The following PEX1 variants were observed in gnomAD, a reference collection of about 807,000 sequenced individuals.
PEX1 encodes the protein peroxisomal biogenesis factor 1.
Under a neutral mutation model 152.5 loss-of-function variants are expected in PEX1, and 97 were observed. The observed-to-expected ratio is 0.64, with a 90% CI of 0.54 to 0.75. The LOEUF (loss-of-function observed/expected upper bound fraction) is 0.75. PEX1 is among the 30% of genes least tolerant of loss of function. The pLI, the probability that PEX1 is intolerant of heterozygous loss-of-function variation, is 0.00. For synonymous variants in PEX1, 485 were observed against 531.6 expected (o/e 0.91, Z 1.21); for missense variants, 1,357 against 1,516.3 (o/e 0.89, Z 1.74).
At position 92,503,093 on chromosome 7, in the gene PEX1, G is replaced by A. The variant is rs1268325040; in HGVS notation, c.2174C>T (p.Ala725Val). 1 of 1,613,612 alleles carries A rather than the reference G, an allele frequency of 6.2e-7. No homozygotes were observed. Among genetic ancestry groups the A allele is most frequent in the African/African-American group, 1.3e-5 (1 of 74,910 alleles). Residue 725 changes from alanine to valine, a missense_variant, in exon 13 of 24, where the codon GCT becomes GTT. By Grantham distance (64) the Ala-to-Val change is moderately conservative. Transcript: ENST00000248633. ...QQSLHPLLVS[A>V]QGVHIFQCVQ... is the part of the protein sequence containing the mutation. The stretch of plus-strand genomic sequence containing the variant: ...GCACTGAAATATGTGAACTCCTTGA[G>A]CAGAAACAAGTAAAGGATGTAGAGA...
intron 1 of PEX1, among the ~76,000 whole-genome samples, chr7:92,527,768 C>G (rs1477446361): frequency 1.3e-5 from 2 of 152,238 alleles, no homozygotes; most frequent in Non-Finnish European, 2.9e-5. Flanking sequence ...TTCAAGTGAT[C>G]TTAACTACGT....
chr7:92,511,793 T>C lies in PEX1; in HGVS notation c.1360-90A>G, dbSNP rs1562861486. ...TTAACATCTGATCTTCCTAATAAAG[T>C]GTAAGCCTGACCAAACAAATCCAAT... is the stretch of plus-strand genomic sequence containing the variant. On this transcript the variant is annotated intron_variant, in intron 6 of 23. Transcript: ENST00000248633. 6 of 1,246,558 alleles carry C rather than the reference T, an allele frequency of 4.8e-6. No homozygotes were observed. In the East Asian group the frequency reaches 1.2e-4, roughly 25 times the overall value. The allele number at this position is 1,246,558 out of a possible 1,614,324, so 77.2% of individuals were successfully genotyped here.
chr7:92,514,585 C>T (rs1792634466), intron 5 of PEX1, among the ~76,000 whole-genome samples: 1 of 152,132 alleles, frequency 6.6e-6, no homozygotes, highest in Non-Finnish European at 1.5e-5. Context: ...CAAAACTAAT[C>T]ACAGACAATC....
At position 92,491,285 on chromosome 7, in the gene PEX1, GTTCCAT is replaced by G. The variant is rs758076338; in HGVS notation, c.3419_3424del (p.Asn1140_Gly1141del). 113 of 1,603,582 alleles carry G rather than the reference GTTCCAT, an allele frequency of 7.0e-5. No individual in the cohort carries two copies. The Middle Eastern group carries it at 1.3e-3, about 19-fold the overall frequency. ...TGCACAAGATACCAAATCAGAAGAG[GTTCCAT>G]TTCCAAGTTCTGATTCATAAGAGCT... On this transcript the variant is annotated inframe_deletion, in exon 21 of 24. Transcript: ENST00000248633.
At chr7:92,487,690 A>G (rs749923904) in intron 23 of PEX1, 149 bp from the exon 24 acceptor site, 131 of 469,194 alleles carry the variant, frequency 2.8e-4, no homozygotes, top group Non-Finnish European at 3.9e-4. Context: ...GAAATTAAAA[A>G]GAATTCTTAC....
intron 6 of PEX1, among the ~76,000 whole-genome samples, chr7:92,512,731 C>T (rs1792536081): frequency 6.6e-6 from 1 of 152,160 alleles, no homozygotes; most frequent in South Asian, 2.1e-4. Flanking sequence ...CTCAAGTGAT[C>T]CACCCATCTC....
At chr7:92,504,008 G>T (rs1437316380) in intron 12 of PEX1, among the ~76,000 whole-genome samples, 6 of 151,898 alleles carry the variant, frequency 4.0e-5, no homozygotes, top group African/African-American at 1.2e-4. Flanking sequence ...CTGTGCTTTT[G>T]CCTGTAGACC....
chr7:92,488,936 G>A (rs906697399), intron 23 of PEX1, among the ~76,000 whole-genome samples: 1 of 152,144 alleles, frequency 6.6e-6, no homozygotes, highest in Non-Finnish European at 1.5e-5. Context: ...GTTTCCCCGT[G>A]TTGGTTAGGC....
In PEX1 at chr7:92,528,365, G is replaced by A. The variant is rs1793399265; in HGVS notation, c.71C>T (p.Ala24Val). The A allele has an allele frequency of 6.3e-7, 1 of 1,588,090 alleles. No homozygotes were observed. Among genetic ancestry groups the A allele is most frequent in the Non-Finnish European group, 8.6e-7 (1 of 1,169,144 alleles). The change falls in exon 1 of 24, where the codon GCT becomes GTT. Residue 24 changes from alanine to valine, a missense_variant. Transcript: ENST00000248633. ...CGGCAGGTGGAGGAAGCAGTCGCGAGCGTTGGTGAAGGCCACAGTCACTGC... is the reference window on the plus strand; with the variant it reads ...CGGCAGGTGGAGGAAGCAGTCGCGAACGTTGGTGAAGGCCACAGTCACTGC... ...GAAVTVAFTN[A>V]RDCFLHLPRR... is the part of the protein sequence containing the mutation.
At chr7:92,511,152 T>C (rs920345440) in intron 7 of PEX1, 105 bp from the exon 8 acceptor site, 29 of 672,002 alleles carry the variant, frequency 4.3e-5, no homozygotes, top group African/African-American at 4.2e-4. Context: ...TTTTTTTTTT[T>C]TCCCCCCAAC....
chr7:92,524,137 G>A (rs772919239), intron 1 of PEX1, among the ~76,000 whole-genome samples: 2 of 151,854 alleles, frequency 1.3e-5, no homozygotes, highest in East Asian at 1.9e-4. Context: ...GCCCAGGCTC[G>A]AGTACAGTGG....
Position 92,517,703 on chromosome 7 carries a change from T to A in PEX1, c.812A>T (p.Asn271Ile). ...CTTTGACTGCATATTTTTGAATGCA[T>A]TGATTTCAGTTAAACCCCAAGATGT... ...QETSWGLTEI[N>I]AFKNMQSKVV... The change falls in exon 5 of 24, where the codon AAT becomes ATT. Residue 271 changes from asparagine to isoleucine, a missense_variant. By Grantham distance (149) the Asn-to-Ile change is moderately radical. Transcript: ENST00000248633. 1.9e-6 allele frequency: 3 copies of A among 1,613,320 alleles called. No homozygotes were observed. The highest frequency in any genetic ancestry group is 2.5e-6 in the Non-Finnish European group (3 of 1,179,578).
At chr7:92,510,030 G>A (rs1378043665) in intron 8 of PEX1, among the ~76,000 whole-genome samples, 2 of 151,998 alleles carry the variant, frequency 1.3e-5, no homozygotes, top group Non-Finnish European at 2.9e-5. Context: ...TGTAATCCTA[G>A]CTACTAGGGA....
chr7:92,512,383 A>G (rs1792516622), intron 6 of PEX1, among the ~76,000 whole-genome samples: 2 of 152,224 alleles, frequency 1.3e-5, no homozygotes, highest in Non-Finnish European at 2.9e-5. Context: ...CAGTGGCACA[A>G]TCATAGCTCA....
intron 6 of PEX1, 128 bp from the exon 7 acceptor site, chr7:92,511,831 T>G: frequency 1.2e-6 from 1 of 818,862 alleles, no homozygotes; most frequent in Non-Finnish European, 2.0e-6. Context: ...AGGATGTTCA[T>G]GTTCTATAGG....
chr7:92,496,631 TC>T, intron 17 of PEX1, 81 bp downstream of exon 17: 2 of 915,010 alleles, frequency 2.2e-6, no homozygotes, highest in East Asian at 4.8e-5. Context: ...TATCAGTTCT[TC>T]AAAAAACAAG....
Position 92,489,400 on chromosome 7 carries a change from T to C in PEX1, c.3660A>G (p.Pro1220=). ...TAGCCAGTCTGGTTTTGATTGGTCC[T>C]GGTTGGTTCATGGATTCGTCCTCCT... The part of the protein sequence containing the change: ...QSGEDESMNQ[P]GPIKTRLAIS... Residue 1220 remains proline, a synonymous_variant, in exon 23 of 24, where the codon CCA becomes CCG. Transcript: ENST00000248633. The C allele has an allele frequency of 6.2e-7, 1 of 1,613,234 alleles. No homozygotes were observed.
intron 1 of PEX1, among the ~76,000 whole-genome samples, chr7:92,528,021 T>C (rs975717218): frequency 6.6e-6 from 1 of 152,272 alleles, no homozygotes; most frequent in African/African-American, 2.4e-5. Context: ...TCAGGAGCTT[T>C]TCCAGCCTGG....
chr7:92,501,506 C>CTAT lies in PEX1; in HGVS notation c.2583_2583+1insATA (p.Lys861_Tyr862insIle). On this transcript the variant is annotated inframe_insertion and splice_region_variant. Coordinates refer to ENST00000248633, the MANE Select transcript of PEX1 (RefSeq NM_000466.3). ...TTCACTTTTTCTTTTTTTAAACATA[C>CTAT]CTTGGCAGGTAACTGGATAGTATCC... The CTAT allele has an allele frequency of 6.2e-7, 1 of 1,612,156 alleles. No individual in the cohort carries two copies. Among genetic ancestry groups the CTAT allele is most frequent in the Non-Finnish European group, 8.5e-7 (1 of 1,178,346 alleles).
Sources: allele counts gnomAD v4.1 joint callset (sites outside exome capture counted in the v4.1 genomes callset), GRCh38; gene constraint gnomAD v4.1.1; transcripts MANE v1.5; gene names NCBI Gene and HGNC (gene_info 2026-07-23, HGNC 2026-07-21).